Variants in LGSN observed in about 807,000 individuals in gnomAD.
LGSN encodes lengsin.
In LGSN, 21 loss-of-function variants were observed where a neutral mutation model predicts 19.5. The observed-to-expected ratio is 1.07, with a 90% CI of 0.76 to 1.55. LGSN has a LOEUF of 1.55. Ranked by LOEUF, LGSN falls within the 40% of genes most tolerant of loss-of-function variation. LGSN has a pLI of 0.00. For missense variants in LGSN, 673 were observed against 608.5 expected, an observed-to-expected ratio of 1.11 and a Z score of -1.12; for synonymous variants, 257 against 215.6, an observed-to-expected ratio of 1.19 and a Z score of -1.68.
chr6:63,474,336 C>A, the LGSN span, among the ~76,000 whole-genome samples: 4 of 152,168 alleles, frequency 2.6e-5, no homozygotes, highest in African/African-American at 9.7e-5. Flanking sequence ...GGGACGGGCG[C>A]AGTGGTTCAT....
At chr6:63,327,662 A>C in the LGSN span, among the ~76,000 whole-genome samples, 2 of 152,244 alleles carry the variant, frequency 1.3e-5, no homozygotes, top group East Asian at 3.8e-4. Flanking sequence ...CATAAGTAGG[A>C]TATGCCTTGG....
the LGSN span, among the ~76,000 whole-genome samples, chr6:63,419,981 G>A: frequency 7.9e-4 from 108 of 135,954 alleles, no homozygotes; most frequent in African/African-American, 2.7e-3. Context: ...TGAGGCAGGC[G>A]GATAATGAGG....
At chr6:63,317,428 G>T (rs1478858820) in intron 1 of LGSN, among the ~76,000 whole-genome samples, 2 of 152,164 alleles carry the variant, frequency 1.3e-5, no homozygotes, top group African/African-American at 4.8e-5. Flanking sequence ...TTAATCCACT[G>T]CCCTTGAAAC....
chr6:63,281,385 A>G, intron 3 of LGSN, among the ~76,000 whole-genome samples, 165 bp from the exon 4 acceptor site: 1 of 147,036 alleles, frequency 6.8e-6, no homozygotes, highest in African/African-American at 2.5e-5. Context: ...ACTTGATATC[A>G]GATAAATGTT....
the LGSN span, among the ~76,000 whole-genome samples, chr6:63,514,211 G>T: frequency 6.6e-6 from 1 of 152,026 alleles, no homozygotes; most frequent in Non-Finnish European, 1.5e-5. Flanking sequence ...TGTGATCACT[G>T]TTCCCTTTGG....
At chr6:63,441,345 C>G in the LGSN span, 1 of 478,884 alleles carries the variant, frequency 2.1e-6, no homozygotes, top group African/African-American at 2.0e-5. Flanking sequence ...GCACCTGGCT[C>G]TCCTCAACAA....
At chr6:63,520,215 T>C in the LGSN span, among the ~76,000 whole-genome samples, 498 of 152,348 alleles carry the variant, frequency 3.3e-3, 2 homozygotes, top group African/African-American at 0.011. Flanking sequence ...ATTGGGAATA[T>C]TTTCCCATTA....
chr6:63,358,190 A>ATATC, the LGSN span, among the ~76,000 whole-genome samples: 2 of 152,136 alleles, frequency 1.3e-5, no homozygotes, highest in Non-Finnish European at 2.9e-5. Flanking sequence ...CCATTGGTCC[A>ATATC]TATCTATGTT....
At chr6:63,427,321 G>C in the LGSN span, among the ~76,000 whole-genome samples, 1 of 152,114 alleles carries the variant, frequency 6.6e-6, no homozygotes, top group African/African-American at 2.4e-5. Flanking sequence ...TGGGATTACA[G>C]GCATAAGCCC....
chr6:63,339,102 A>G, the LGSN span, among the ~76,000 whole-genome samples: 14 of 152,318 alleles, frequency 9.2e-5, no homozygotes, highest in African/African-American at 3.4e-4. Context: ...TATATAGTCT[A>G]TCCTGGAGAA....
the LGSN span, chr6:63,396,640 T>A: frequency 6.5e-6 from 1 of 153,110 alleles, no homozygotes; most frequent in African/African-American, 2.4e-5. Context: ...GGCTTAGAAG[T>A]TTTCTCTTCC....
At chr6:63,414,437 G>A in the LGSN span, among the ~76,000 whole-genome samples, 1 of 152,074 alleles carries the variant, frequency 6.6e-6, no homozygotes, top group Non-Finnish European at 1.5e-5. Flanking sequence ...AAATTCTTAA[G>A]AGAGTAGATA....
the LGSN span, among the ~76,000 whole-genome samples, chr6:63,435,270 C>T: frequency 6.6e-6 from 1 of 152,104 alleles, no homozygotes; most frequent in South Asian, 2.1e-4. Flanking sequence ...CCTTGTTCAG[C>T]CAAAGAGAAG....
At chr6:63,517,851 T>G in the LGSN span, among the ~76,000 whole-genome samples, 81,412 of 151,948 alleles carry the variant, frequency 0.54, 23,629 homozygotes, top group African/African-American at 0.77. Context: ...AAGAATCCAT[T>G]GACACATAAA....
chr6:63,524,267 G>A, the LGSN span, among the ~76,000 whole-genome samples: 229 of 152,274 alleles, frequency 1.5e-3, 2 homozygotes, highest in African/African-American at 5.1e-3. Context: ...TTACAGACGT[G>A]AGCCCCCATG....
chr6:63,442,270 A>G, the LGSN span, among the ~76,000 whole-genome samples: 85 of 152,322 alleles, frequency 5.6e-4, no homozygotes, highest in Non-Finnish European at 1.0e-3. Context: ...AGACCCAAAG[A>G]GTGAGCAGCA....
chr6:63,392,872 C>A, the LGSN span, among the ~76,000 whole-genome samples: 14 of 142,654 alleles, frequency 9.8e-5, no homozygotes, highest in Admixed American at 9.7e-4. Context: ...GTGGCTCCAT[C>A]TTCTTCTTCT....
the LGSN span, among the ~76,000 whole-genome samples, chr6:63,570,771 T>C: frequency 6.6e-6 from 1 of 152,256 alleles, no homozygotes; most frequent in African/African-American, 2.4e-5. Context: ...TACACTATTA[T>C]ATACATTGGC....
chr6:63,286,292 A>G (rs1243925916), intron 2 of LGSN, among the ~76,000 whole-genome samples: 2 of 152,230 alleles, frequency 1.3e-5, no homozygotes, highest in African/African-American at 4.8e-5. Context: ...TAAGAAATAT[A>G]CATATTTCTG....
Sources: gnomAD v4.1 joint callset for allele counts (sites outside exome capture counted in the v4.1 genomes callset) on GRCh38, gnomAD v4.1.1 for gene constraint, MANE v1.5 for transcripts, NCBI Gene and HGNC (gene_info 2026-07-23, HGNC 2026-07-21) for gene names.